The following MTMR7 variants were observed in gnomAD, a reference collection of about 807,000 sequenced individuals.
MTMR7 encodes myotubularin related protein 7, also known as phosphatidylinositol-3-phosphate phosphatase MTMR7.
MTMR7 carries 76 observed loss-of-function variants against 81.2 expected under a neutral mutation model. The observed-to-expected ratio is 0.94, with a 90% CI of 0.78 to 1.13. The LOEUF (loss-of-function observed/expected upper bound fraction) is 1.13, where lower values mean the gene tolerates loss of function less well. Among genes scored for constraint, MTMR7 ranks in the 50% most tolerant of loss-of-function variants. The pLI, the probability that MTMR7 is intolerant of heterozygous loss-of-function variation, is 0.00. For missense variants in MTMR7, 1,044 were observed against 820.0 expected, an observed-to-expected ratio of 1.27 and a Z score of -3.34; for synonymous variants, 372 against 289.8, an observed-to-expected ratio of 1.28 and a Z score of -2.88.
intron 3 of MTMR7, among the ~76,000 whole-genome samples, chr8:17,370,430 G>C (rs1272000280): frequency 6.6e-6 from 1 of 151,740 alleles, no homozygotes; most frequent in African/African-American, 2.4e-5. Flanking sequence ...TAAGGCATGA[G>C]AATCGCTTGA....
chr8:17,309,329 A>G lies in MTMR7; in HGVS notation c.1102-3T>C, dbSNP rs2150481234. 1 of 1,551,660 alleles carries G rather than the reference A, an allele frequency of 6.4e-7. No individual in the cohort carries two copies. The highest frequency in any genetic ancestry group is 1.1e-5 in the South Asian group (1 of 89,622). On this transcript the variant is annotated splice_region_variant and splice_polypyrimidine_tract_variant and intron_variant, in intron 9 of 13. Coordinates refer to ENST00000180173, the MANE Select transcript of MTMR7 (RefSeq NM_004686.5). ...ATCCAGTCCTTTTCAATTAATACCT[A>G]CACAAGAAAGAATACAAATATCTTG...
chr8:17,309,606 T>C (rs906281215), intron 9 of MTMR7, among the ~76,000 whole-genome samples: 13 of 152,208 alleles, frequency 8.5e-5, no homozygotes, highest in African/African-American at 2.7e-4. Flanking sequence ...TTCACATTGC[T>C]TTACGTATGA....
chr8:17,384,300 A>C (rs1394889876), intron 1 of MTMR7, among the ~76,000 whole-genome samples: 3 of 152,122 alleles, frequency 2.0e-5, no homozygotes, highest in Non-Finnish European at 4.4e-5. Flanking sequence ...AGGCCCAGCT[A>C]CTTAGGAGGC....
chr8:17,368,281 C>T (rs1184281204), intron 3 of MTMR7, among the ~76,000 whole-genome samples: 3 of 152,140 alleles, frequency 2.0e-5, no homozygotes, highest in Admixed American at 6.5e-5. Flanking sequence ...CTGTGCCGCC[C>T]GCTTCCTAAC....
Position 17,333,449 on chromosome 8 carries a change from G to T in MTMR7, c.733-2167C>A, listed in dbSNP as rs183366589. Among the ~76,000 whole-genome samples the T allele has an allele frequency of 1.4e-3, 211 of 152,262 alleles. 1 individual carries two copies. The highest frequency in any genetic ancestry group is 4.7e-3 in the African/African-American group (197 of 41,546). On this transcript the variant is annotated intron_variant, in intron 6 of 13. Transcript: ENST00000180173. ...CATAAATAAAATTAATAGGAGATTT[G>T]AAAGTATCCTTACGTGACATGAACC...
chr8:17,388,016 C>A (rs1057033468), intron 1 of MTMR7, among the ~76,000 whole-genome samples: 3 of 152,174 alleles, frequency 2.0e-5, no homozygotes, highest in East Asian at 1.9e-4. Context: ...AGCCAAGCTA[C>A]GTAAGAAGTA....
intron 1 of MTMR7, among the ~76,000 whole-genome samples, chr8:17,392,857 A>G (rs1033355885): frequency 2.0e-5 from 3 of 152,206 alleles, no homozygotes; most frequent in Non-Finnish European, 4.4e-5. Flanking sequence ...ATTTCATGGA[A>G]GTTCTTTCAG....
rs991656633 is a variant in MTMR7, at chr8:17,297,911, A to T, written c.*1951T>A. ...TCTGTCTTGTAAAAAAGTTGAGGGG[A>T]CTAAAAGTTTATGACTCTGATATGG... On this transcript the variant is annotated 3_prime_UTR_variant, in exon 14 of 14. Transcript: ENST00000180173. The T allele has an allele frequency of 4.6e-5, 7 of 152,200 alleles. No homozygotes were observed. The highest frequency in any genetic ancestry group is 2.6e-4 in the Admixed American group (4 of 15,292). The allele number at this position is 152,200 out of a possible 1,614,324, so 9.4% of individuals were successfully genotyped here. A position where few individuals can be genotyped will look rare whatever the true frequency, so the allele number is the denominator to read the frequency against.
At chr8:17,406,985 G>A (rs1821603651) in intron 1 of MTMR7, among the ~76,000 whole-genome samples, 1 of 152,094 alleles carries the variant, frequency 6.6e-6, no homozygotes, top group Admixed American at 6.5e-5. Context: ...GAATGCCAAT[G>A]GGTATAGTGT....
chr8:17,393,791 ACT>A (rs1239928586), intron 1 of MTMR7, among the ~76,000 whole-genome samples: 4 of 152,060 alleles, frequency 2.6e-5, no homozygotes, highest in African/African-American at 9.7e-5. Flanking sequence ...ACAACAAACC[ACT>A]CTGACACGTT....
intron 7 of MTMR7, among the ~76,000 whole-genome samples, chr8:17,322,092 G>A (rs1464549174): frequency 1.3e-5 from 2 of 151,414 alleles, no homozygotes; most frequent in Non-Finnish European, 2.9e-5. Context: ...AACATATACA[G>A]CCCTCCCTTG....
At position 17,297,924 on chromosome 8, in the gene MTMR7, G is replaced by A. The variant is rs890393917; in HGVS notation, c.*1938C>T. On this transcript the variant is annotated 3_prime_UTR_variant, in exon 14 of 14. Transcript: ENST00000180173. ...AAAGTTGAGGGGACTAAAAGTTTATGACTCTGATATGGAAGTTGTCATATT... is the reference window on the plus strand; with the variant it reads ...AAAGTTGAGGGGACTAAAAGTTTATAACTCTGATATGGAAGTTGTCATATT... The A allele has an allele frequency of 1.3e-5, 2 of 152,154 alleles. No individual in the cohort carries two copies. The highest frequency in any genetic ancestry group is 4.8e-5 in the African/African-American group (2 of 41,556). 9.4% of individuals were successfully genotyped at this position (152,154 alleles called of 1,614,324 possible).
intron 6 of MTMR7, among the ~76,000 whole-genome samples, chr8:17,336,447 G>A (rs1261154429): frequency 6.6e-6 from 1 of 151,938 alleles, no homozygotes; most frequent in East Asian, 1.9e-4. Flanking sequence ...CTGCCATGAC[G>A]GCCACCAGCA....
At chr8:17,388,082 T>C (rs1039019483) in intron 1 of MTMR7, among the ~76,000 whole-genome samples, 2 of 152,144 alleles carry the variant, frequency 1.3e-5, no homozygotes, top group African/African-American at 4.8e-5. Context: ...CCATTTTTGC[T>C]CAGGAGAAAT....
intron 11 of MTMR7, among the ~76,000 whole-genome samples, chr8:17,304,992 C>A (rs1428910635): frequency 2.6e-5 from 4 of 152,130 alleles, no homozygotes; most frequent in Admixed American, 2.6e-4. Context: ...CAGACCCAAG[C>A]AGATACTGTT....
rs1267849895 is a variant in MTMR7 at position 17,315,324 on chromosome 8, T to C, written c.866-1923A>G. Among the ~76,000 whole-genome samples the C allele has an allele frequency of 2.0e-5, 3 of 152,094 alleles. No homozygotes were observed. The East Asian group carries it at 5.8e-4, about 29-fold the overall frequency. On this transcript the variant is annotated intron_variant, in intron 7 of 13. Coordinates refer to ENST00000180173, the MANE Select transcript of MTMR7 (RefSeq NM_004686.5). ...CGGAGACAGTAAAAAAATCAGCGGCTGCCAGGGGTTAGGGTTGTGAGGGAA... is the reference window on the plus strand; with the variant it reads ...CGGAGACAGTAAAAAAATCAGCGGCCGCCAGGGGTTAGGGTTGTGAGGGAA...
intron 1 of MTMR7, among the ~76,000 whole-genome samples, chr8:17,411,810 C>G (rs553776792): frequency 6.6e-6 from 1 of 152,172 alleles, no homozygotes; most frequent in East Asian, 1.9e-4. Context: ...CCTTGACTCC[C>G]CCAAATTCAT....
At chr8:17,310,554 G>A (rs1361468435) in intron 9 of MTMR7, among the ~76,000 whole-genome samples, 1 of 152,120 alleles carries the variant, frequency 6.6e-6, no homozygotes, top group Non-Finnish European at 1.5e-5. Flanking sequence ...CTCTCCAAAT[G>A]CAAATGAAGC....
intron 1 of MTMR7, among the ~76,000 whole-genome samples, chr8:17,405,547 T>C (rs185434686): frequency 3.9e-5 from 6 of 152,258 alleles, no homozygotes; most frequent in Non-Finnish European, 8.8e-5. Context: ...GATGACATTA[T>C]CTTTATTACC....
Sources: allele counts gnomAD v4.1 joint callset (sites outside exome capture counted in the v4.1 genomes callset), GRCh38; gene constraint gnomAD v4.1.1; transcripts MANE v1.5; gene names NCBI Gene and HGNC (gene_info 2026-07-23, HGNC 2026-07-21).